QTMAN: variants seen among roughly 807,000 people sequenced by gnomAD.
The protein encoded by QTMAN is queuosine-tRNA mannosyltransferase.
At chr2:144,309,135 G>T in the QTMAN span, among the ~76,000 whole-genome samples, 1 of 152,152 alleles carries the variant, frequency 6.6e-6, no homozygotes, top group Non-Finnish European at 1.5e-5. Context: ...CCAGAATGTG[G>T]AGCAACTAGA....
the QTMAN span, among the ~76,000 whole-genome samples, chr2:144,143,398 G>A: frequency 2.6e-5 from 4 of 151,938 alleles, no homozygotes; most frequent in South Asian, 2.1e-4. Context: ...TAGGAATGCC[G>A]TAGCCAAACG....
At chr2:144,088,356 T>C in the QTMAN span, among the ~76,000 whole-genome samples, 7 of 152,094 alleles carry the variant, frequency 4.6e-5, no homozygotes, top group East Asian at 1.9e-4. Context: ...CCCACACTTA[T>C]GGATTGGAAG....
At chr2:144,260,025 GTC>G in the QTMAN span, among the ~76,000 whole-genome samples, 1 of 152,166 alleles carries the variant, frequency 6.6e-6, no homozygotes, top group African/African-American at 2.4e-5. Context: ...GAGAAAGAAA[GTC>G]TGCTAATTTT....
the QTMAN span, among the ~76,000 whole-genome samples, chr2:143,988,249 G>A: frequency 6.6e-6 from 1 of 152,214 alleles, no homozygotes; most frequent in Non-Finnish European, 1.5e-5. Context: ...GACATAGGTG[G>A]TGCTGCGTCA....
chr2:144,259,211 T>C, the QTMAN span, among the ~76,000 whole-genome samples: 3 of 152,166 alleles, frequency 2.0e-5, no homozygotes, highest in African/African-American at 7.2e-5. Context: ...CAGGCTGGAG[T>C]GCAGTGGCAC....
the QTMAN span, among the ~76,000 whole-genome samples, chr2:144,315,744 A>C: frequency 6.6e-6 from 1 of 151,982 alleles, no homozygotes; most frequent in African/African-American, 2.4e-5. Flanking sequence ...TTGCCTTTTT[A>C]CTTTTCTGTA....
At chr2:144,191,380 G>C in the QTMAN span, among the ~76,000 whole-genome samples, 1 of 152,166 alleles carries the variant, frequency 6.6e-6, no homozygotes, top group Admixed American at 6.6e-5. Context: ...ATTACTATAT[G>C]CGGGCAGGGT....
At chr2:144,177,334 C>A in the QTMAN span, 1 of 596,540 alleles carries the variant, frequency 1.7e-6, no homozygotes, top group African/African-American at 1.9e-5. Context: ...CTATGAAAAA[C>A]AATAGCCAAG....
At chr2:144,105,021 C>T in the QTMAN span, among the ~76,000 whole-genome samples, 1 of 152,220 alleles carries the variant, frequency 6.6e-6, no homozygotes, top group Non-Finnish European at 1.5e-5. Context: ...CTCCAGCAAA[C>T]TCCAACCGAC....
At chr2:144,091,101 A>G in the QTMAN span, among the ~76,000 whole-genome samples, 1 of 152,080 alleles carries the variant, frequency 6.6e-6, no homozygotes, top group Non-Finnish European at 1.5e-5. Context: ...AGAGGCGACT[A>G]GCCTGAGAAA....
the QTMAN span, among the ~76,000 whole-genome samples, chr2:143,991,432 T>TG: frequency 4.5e-5 from 6 of 132,192 alleles, no homozygotes; most frequent in South Asian, 2.6e-4. Flanking sequence ...GGGAGGGAGG[T>TG]GGGGGGGTCA....
chr2:144,042,970 C>T, the QTMAN span, among the ~76,000 whole-genome samples: 3 of 152,034 alleles, frequency 2.0e-5, no homozygotes, highest in Admixed American at 1.3e-4. Flanking sequence ...GAGATCTATT[C>T]AGAGCACCAA....
the QTMAN span, among the ~76,000 whole-genome samples, chr2:144,062,184 C>T: frequency 2.6e-5 from 4 of 152,308 alleles, no homozygotes; most frequent in South Asian, 2.1e-4. Context: ...ACTGTAACAC[C>T]CCTAGACCCT....
chr2:144,083,110 G>A, the QTMAN span, among the ~76,000 whole-genome samples: 1 of 152,184 alleles, frequency 6.6e-6, no homozygotes, highest in Admixed American at 6.5e-5. Flanking sequence ...TCTACACACA[G>A]AACCTGACTA....
the QTMAN span, among the ~76,000 whole-genome samples, chr2:144,066,436 G>A: frequency 6.6e-6 from 1 of 152,166 alleles, no homozygotes; most frequent in Non-Finnish European, 1.5e-5. Flanking sequence ...ATTACATTTA[G>A]CCAATTTTTC....
chr2:143,942,077 C>T, the QTMAN span: 7 of 166,674 alleles, frequency 4.2e-5, no homozygotes, highest in Non-Finnish European at 8.8e-5. Context: ...TCTTCTCGCA[C>T]CCCACCTTAG....
the QTMAN span, among the ~76,000 whole-genome samples, chr2:144,082,505 C>T: frequency 6.6e-6 from 1 of 152,130 alleles, no homozygotes; most frequent in East Asian, 1.9e-4. Context: ...TCTAACCACA[C>T]TGAATCCTTC....
chr2:144,318,825 G>A, the QTMAN span, among the ~76,000 whole-genome samples: 1 of 152,068 alleles, frequency 6.6e-6, no homozygotes, highest in African/African-American at 2.4e-5. Flanking sequence ...TGAATGCTAA[G>A]ATTTAAAAAT....
At chr2:144,086,204 T>C in the QTMAN span, among the ~76,000 whole-genome samples, 1 of 152,214 alleles carries the variant, frequency 6.6e-6, no homozygotes, top group South Asian at 2.1e-4. Flanking sequence ...GCTAACATTT[T>C]GCTCTTAGCA....
Sources: gnomAD v4.1 joint callset for allele counts (sites outside exome capture counted in the v4.1 genomes callset) on GRCh38, gnomAD v4.1.1 for gene constraint, MANE v1.5 for transcripts, NCBI Gene and HGNC (gene_info 2026-07-23, HGNC 2026-07-21) for gene names.